The following DEPDC5 variants were observed in gnomAD, a reference collection of about 807,000 sequenced individuals.
DEPDC5 encodes the protein DEP domain containing 5, GATOR1 subcomplex subunit.
In DEPDC5, 73 loss-of-function variants were observed where a neutral mutation model predicts 217.3. The ratio of observed to expected loss-of-function variants is 0.34; its 90% CI spans 0.28 to 0.41. The LOEUF is 0.41. Among genes scored for constraint, DEPDC5 ranks in the 10% least tolerant of loss-of-function variants. The pLI, the probability that DEPDC5 is intolerant of heterozygous loss-of-function variation, is 1.00. For missense variants in DEPDC5, 1,675 were observed against 2,070.1 expected (o/e 0.81, Z 3.70); for synonymous variants, 733 against 756.7 (o/e 0.97, Z 0.51).
chr22:31,791,323 C>T (rs1007857116), intron 10 of DEPDC5, among the ~76,000 whole-genome samples: 1 of 152,204 alleles, frequency 6.6e-6, no homozygotes, highest in East Asian at 1.9e-4. Flanking sequence ...CAATACTGTG[C>T]ACTGCTGCTG....
intron 2 of DEPDC5, among the ~76,000 whole-genome samples, chr22:31,756,757 C>G (rs2081971318): frequency 6.6e-6 from 1 of 151,692 alleles, no homozygotes; most frequent in Non-Finnish European, 1.5e-5. Context: ...CCCATCTCTA[C>G]TAAAAATACA....
chr22:31,907,962 T>C lies in DEPDC5; in HGVS notation c.*1465T>C, dbSNP rs992430945. ...TTCTCTTAGATCCCCAGGAAAACCTTCTAATTTGTCTCTGCTTTCACTCCA... is the reference window on the plus strand; with the variant it reads ...TTCTCTTAGATCCCCAGGAAAACCTCCTAATTTGTCTCTGCTTTCACTCCA... On this transcript the variant is annotated 3_prime_UTR_variant, in exon 43 of 43. Transcript: ENST00000651528. The C allele has an allele frequency of 6.6e-6, 1 of 152,198 alleles. No homozygotes were observed. Among genetic ancestry groups the C allele is most frequent in the Non-Finnish European group, 1.5e-5 (1 of 68,052 alleles). 9.4% of individuals were successfully genotyped at this position (152,198 alleles called of 1,614,324 possible). A position where few individuals can be genotyped will look rare whatever the true frequency, so the allele number is the denominator to read the frequency against.
chr22:31,844,992 AC>A, intron 29 of DEPDC5, 25 bp from the exon 30 acceptor site: 1 of 1,611,988 alleles, frequency 6.2e-7, no homozygotes, highest in African/African-American at 1.3e-5. Context: ...TCTCACCACC[AC>A]CCTGTGTTTT....
intron 32 of DEPDC5, 81 bp from the exon 33 acceptor site, chr22:31,861,286 CT>C: frequency 7.6e-7 from 1 of 1,313,634 alleles, no homozygotes; most frequent in Admixed American, 2.0e-5. Flanking sequence ...TCTCCTTCCC[CT>C]GATGGTTAAC....
At chr22:31,886,976 G>T (rs1398077838) in intron 38 of DEPDC5, among the ~76,000 whole-genome samples, 1 of 151,898 alleles carries the variant, frequency 6.6e-6, no homozygotes. Context: ...CCAGCTACTC[G>T]GGAGGCTGAA....
Position 31,760,701 on chromosome 22 carries a change from G to T in DEPDC5, c.192G>T (p.Lys64Asn). Residue 64 changes from lysine (K) to asparagine (N), a missense_variant and splice_region_variant, in exon 4 of 43, where the codon AAG becomes AAT. Around this residue, in one of 11 missense-constraint regions of DEPDC5, gnomAD observed 628 missense variants for 762.1 expected, o/e 0.82. Coordinates refer to ENST00000651528, the MANE Select transcript of DEPDC5 (RefSeq NM_001242896.3). The part of the protein sequence containing the change: ...QVKSLKEDLQ[K>N]ETISVDQTVT... ...AGTCTCTTAAGGAAGATTTACAGAA[G>T]GGTAAGAATTATATCACTCTTCTTA... The T allele has an allele frequency of 6.2e-7, 1 of 1,609,574 alleles. No individual in the cohort carries two copies. The highest frequency in any genetic ancestry group is 8.5e-7 in the Non-Finnish European group (1 of 1,178,082).
intron 8 of DEPDC5, among the ~76,000 whole-genome samples, chr22:31,779,139 A>G (rs1200213838): frequency 6.6e-6 from 1 of 152,176 alleles, no homozygotes; most frequent in Non-Finnish European, 1.5e-5. Context: ...ACAGCCAGAA[A>G]TTTCTCCAGA....
At chr22:31,871,555 C>T (rs1386255860) in intron 34 of DEPDC5, among the ~76,000 whole-genome samples, 1 of 152,214 alleles carries the variant, frequency 6.6e-6, no homozygotes, top group Non-Finnish European at 1.5e-5. Flanking sequence ...AACTTCTCTG[C>T]TCCCTGCCTT....
Position 31,773,425 on chromosome 22 carries a change from A to C in DEPDC5, c.413+4562A>C, listed in dbSNP as rs185709355. 4.3e-3 allele frequency among the ~76,000 whole-genome samples: 653 copies of C among 151,848 alleles called. 1 individual carries two copies. Among genetic ancestry groups the C allele is most frequent in the African/African-American group, 0.013 (547 of 41,394 alleles). ...ACTATGTTCCTCAGGCTGGTTTCCA[A>C]CTCCTGGGCTCAAACGATCCTCTTG... is the stretch of plus-strand genomic sequence containing the variant. On this transcript the variant is annotated intron_variant, in intron 7 of 42. Coordinates refer to ENST00000651528, the MANE Select transcript of DEPDC5 (RefSeq NM_001242896.3).
intron 8 of DEPDC5, 39 bp downstream of exon 8, chr22:31,778,207 A>G (rs1276248133): frequency 2.5e-6 from 4 of 1,583,266 alleles, no homozygotes; most frequent in East Asian, 2.2e-5. Flanking sequence ...TTATCTCTCC[A>G]TACTATTATG....
chr22:31,856,159 A>G (rs535585719), intron 31 of DEPDC5, among the ~76,000 whole-genome samples: 148 of 137,676 alleles, frequency 1.1e-3, no homozygotes, highest in South Asian at 2.0e-3. Context: ...CAACGCGCAC[A>G]CACACACACA....
At chr22:31,833,392 T>A (rs1569048048) in intron 24 of DEPDC5, among the ~76,000 whole-genome samples, 1 of 152,210 alleles carries the variant, frequency 6.6e-6, no homozygotes, top group South Asian at 2.1e-4. Flanking sequence ...TCCTGTGTCA[T>A]ATTGTAGAAA....
chr22:31,844,840 C>A, intron 29 of DEPDC5, 178 bp from the exon 30 acceptor site: 1 of 691,044 alleles, frequency 1.4e-6, no homozygotes, highest in Non-Finnish European at 2.5e-6. Context: ...TAGGTGTGAG[C>A]CACCATGCCC....
chr22:31,876,386 C>G (rs908562242), intron 37 of DEPDC5, 121 bp downstream of exon 37: 22 of 714,000 alleles, frequency 3.1e-5, no homozygotes, highest in East Asian at 2.9e-4. Flanking sequence ...GTTGACAGAT[C>G]TGTCAACTTC....
At chr22:31,847,032 G>T (rs2091776762) in intron 31 of DEPDC5, 65 bp downstream of exon 31, 6 of 1,604,154 alleles carry the variant, frequency 3.7e-6, no homozygotes, top group Non-Finnish European at 5.1e-6. Context: ...TCAGTGCCCT[G>T]TTCCCTTGAG....
intron 38 of DEPDC5, among the ~76,000 whole-genome samples, chr22:31,882,493 C>G (rs933252798): frequency 6.6e-6 from 1 of 152,136 alleles, no homozygotes; most frequent in Admixed American, 6.5e-5. Flanking sequence ...CAAATAAATG[C>G]CACGAATCCA....
At chr22:31,785,141 C>A in intron 10 of DEPDC5, 2 of 348,506 alleles carry the variant, frequency 5.7e-6, no homozygotes, top group South Asian at 8.3e-5. Flanking sequence ...TGATATTCAA[C>A]ATTATACTAA....
At chr22:31,875,367 A>C (rs1226382811) in intron 36 of DEPDC5, 1 of 158,808 alleles carries the variant, frequency 6.3e-6, no homozygotes, top group Non-Finnish European at 1.5e-5. Flanking sequence ...GGACTGGAAA[A>C]CCAACTTATA....
intron 24 of DEPDC5, chr22:31,822,995 G>C (rs1229014343): frequency 5.7e-6 from 3 of 528,530 alleles, no homozygotes; most frequent in Non-Finnish European, 1.0e-5. Flanking sequence ...GAACATGTTG[G>C]TCAAGCCACA....
Sources: gnomAD v4.1 joint callset for allele counts (sites outside exome capture counted in the v4.1 genomes callset) on GRCh38, gnomAD v4.1.1 for gene constraint, gnomAD v4.1.1 regional missense constraint, MANE v1.5 for transcripts, NCBI Gene and HGNC (gene_info 2026-07-23, HGNC 2026-07-21) for gene names.